Variants in SHOC1 observed in about 807,000 individuals in gnomAD.
SHOC1 encodes shortage in chiasmata 1.
Under a neutral mutation model 179.2 loss-of-function variants are expected in SHOC1, and 136 were observed. That is an observed-to-expected ratio of 0.76 (90% CI 0.66 to 0.87). SHOC1 has a LOEUF of 0.87. Among genes scored for constraint, SHOC1 ranks in the 40% least tolerant of loss-of-function variants. The pLI is 0.00. For missense variants in SHOC1, 1,538 were observed against 1,700.8 expected (o/e 0.90, Z 1.68); for synonymous variants, 489 against 586.6 (o/e 0.83, Z 2.41).
chr9:111,731,825 AT>A (rs1183317139), intron 12 of SHOC1, among the ~76,000 whole-genome samples: 1 of 152,152 alleles, frequency 6.6e-6, no homozygotes, highest in East Asian at 1.9e-4. Flanking sequence ...CATGTTTTAT[AT>A]TTTTGATATC....
chr9:111,794,172 AC>A (rs1836543662), intron 1 of SHOC1, among the ~76,000 whole-genome samples: 1 of 150,706 alleles, frequency 6.6e-6, no homozygotes. Context: ...ATTTAAAAGC[AC>A]TCACAGGTGA....
At chr9:111,746,419 A>G in intron 9 of SHOC1, 77 bp from the exon 10 acceptor site, 2 of 863,366 alleles carry the variant, frequency 2.3e-6, no homozygotes, top group Non-Finnish European at 1.9e-6. Context: ...TCACACCTGT[A>G]ATTCTAACAC....
At chr9:111,709,613 GATA>G (rs563612719) in intron 18 of SHOC1, among the ~76,000 whole-genome samples, 1 of 152,138 alleles carries the variant, frequency 6.6e-6, no homozygotes, top group Non-Finnish European at 1.5e-5. Context: ...TTGAAATGAA[GATA>G]ATAAGCTCAT....
At chr9:111,753,268 T>C (rs1259847909) in intron 8 of SHOC1, among the ~76,000 whole-genome samples, 2 of 152,182 alleles carry the variant, frequency 1.3e-5, no homozygotes, top group African/African-American at 2.4e-5. Flanking sequence ...ACTTAGCTCC[T>C]CCTAAAAATA....
At chr9:111,690,301 C>G (rs1257257161) in intron 27 of SHOC1, among the ~76,000 whole-genome samples, 1 of 152,040 alleles carries the variant, frequency 6.6e-6, no homozygotes, top group Admixed American at 6.6e-5. Context: ...TGGTGCATGC[C>G]TGTAATCCCA....
At chr9:111,734,521 A>G (rs1038278842) in intron 12 of SHOC1, among the ~76,000 whole-genome samples, 8 of 152,130 alleles carry the variant, frequency 5.3e-5, no homozygotes, top group African/African-American at 1.7e-4. Context: ...AGCCAACCAA[A>G]TATCTTTGTC....
At chr9:111,692,849 T>C (rs1831505860) in intron 26 of SHOC1, among the ~76,000 whole-genome samples, 1 of 152,230 alleles carries the variant, frequency 6.6e-6, no homozygotes, top group African/African-American at 2.4e-5. Flanking sequence ...AAGGCTAAAG[T>C]TATCTTTACA....
chr9:111,727,931 T>C lies in SHOC1; in HGVS notation c.1536A>G (p.Leu512=), dbSNP rs1431416997. The change falls in exon 13 of 28, where the codon CTA becomes CTG. Residue 512 remains leucine (L), a synonymous_variant. Transcript: ENST00000682961. ...SPSLAKEVPD[L]CFSDDYFSDK... ...CAGAGAAATAGTCATCAGAAAAACATAGATCTGGTACTTCTTTTGCCAGAG... is the reference window on the plus strand; with the variant it reads ...CAGAGAAATAGTCATCAGAAAAACACAGATCTGGTACTTCTTTTGCCAGAG... 2 of 1,613,482 alleles carry C rather than the reference T, an allele frequency of 1.2e-6. No individual in the cohort carries two copies. The highest frequency in any genetic ancestry group is 1.7e-5 in the Admixed American group (1 of 59,966).
chr9:111,742,226 G>A (rs1366772058), intron 10 of SHOC1, among the ~76,000 whole-genome samples: 7 of 152,034 alleles, frequency 4.6e-5, no homozygotes, highest in South Asian at 2.1e-4. Flanking sequence ...AACCTTATAC[G>A]CCACCAAAAA....
At chr9:111,692,546 T>A (rs1831494849) in intron 26 of SHOC1, 35 bp from the exon 27 acceptor site, 1 of 1,439,930 alleles carries the variant, frequency 6.9e-7, no homozygotes, top group Admixed American at 2.2e-5. Flanking sequence ...AAATGTCAGT[T>A]TAGTAAATAT....
intron 10 of SHOC1, 133 bp from the exon 11 acceptor site, chr9:111,741,703 G>A: frequency 2.5e-6 from 1 of 401,140 alleles, no homozygotes; most frequent in East Asian, 4.5e-5. Context: ...GCACTATCTT[G>A]GCTCACTGCA....
chr9:111,766,237 C>CT (rs1318531670), intron 5 of SHOC1, among the ~76,000 whole-genome samples: 2 of 152,146 alleles, frequency 1.3e-5, no homozygotes, highest in Non-Finnish European at 2.9e-5. Context: ...GAATTTCATT[C>CT]TTTTTTGTGG....
Position 111,706,626 on chromosome 9 carries a change from TTTGCAG to T in SHOC1, c.2673_2678del (p.His891_Lys893delinsGln). The T allele has an allele frequency of 1.2e-6, 2 of 1,606,088 alleles. No individual in the cohort carries two copies. Among genetic ancestry groups the T allele is most frequent in the South Asian group, 2.2e-5 (2 of 89,822 alleles). The stretch of plus-strand genomic sequence containing the variant: ...AGGCCATGTAAGGAATATTCAACTC[TTTGCAG>T]TGTTTAGTCCAACAAGAGTCTTCCA... On this transcript the variant is annotated inframe_deletion, in exon 20 of 28. Coordinates refer to ENST00000682961, the MANE Select transcript of SHOC1 (RefSeq NM_001378211.1).
At chr9:111,723,470 A>C (rs4979042) in intron 14 of SHOC1, among the ~76,000 whole-genome samples, 83,562 of 152,022 alleles carry the variant, frequency 0.55, 23,629 homozygotes, top group East Asian at 0.87. Context: ...GAACAGAGAG[A>C]GCATGATTAG....
chr9:111,707,018 C>T lies in SHOC1; in HGVS notation c.2559-272G>A, dbSNP rs114001184. Among the ~76,000 whole-genome samples the T allele has an allele frequency of 8.7e-3, 1,325 of 152,096 alleles. 23 individuals are homozygous for T. Among genetic ancestry groups the T allele is most frequent in the African/African-American group, 0.03 (1,257 of 41,512 alleles). ...ATGGGAGACAGCCTGATTTTATTACCTGAGTACTATCAATAAGAGAAATCA... is the reference window on the plus strand; with the variant it reads ...ATGGGAGACAGCCTGATTTTATTACTTGAGTACTATCAATAAGAGAAATCA... On this transcript the variant is annotated intron_variant, in intron 19 of 27. Coordinates refer to ENST00000682961, the MANE Select transcript of SHOC1 (RefSeq NM_001378211.1).
rs201548669 is a variant in SHOC1 at position 111,700,006 on chromosome 9, A to G, written c.3131T>C (p.Ile1044Thr). 197 of 1,608,458 alleles carry G rather than the reference A, an allele frequency of 1.2e-4. No individual in the cohort carries two copies. The highest frequency in any genetic ancestry group is 1.6e-4 in the Non-Finnish European group (185 of 1,176,518). The change falls in exon 24 of 28, where the codon ATT (isoleucine) becomes ACT (threonine). Residue 1044 changes from isoleucine to threonine, a missense_variant. Physicochemically the swap from Ile to Thr is moderately conservative, Grantham distance 89 (BLOSUM62 -1). Transcript: ENST00000682961. ...CCCAAATGAAACCAAAGCTGCATAA[A>G]TCAGTGCTAGGTGATGAAGTGTCTT... is the stretch of plus-strand genomic sequence containing the variant. ...TEKTLHHLAL[I>T]YAALVSFGLN...
intron 8 of SHOC1, among the ~76,000 whole-genome samples, chr9:111,750,339 T>C (rs1475486116): frequency 6.6e-6 from 1 of 152,126 alleles, no homozygotes; most frequent in African/African-American, 2.4e-5. Flanking sequence ...TTCTTCTTTT[T>C]CTTCTTTTTG....
At chr9:111,774,684 C>A (rs1053143646) in intron 5 of SHOC1, among the ~76,000 whole-genome samples, 6 of 151,766 alleles carry the variant, frequency 4.0e-5, no homozygotes, top group Non-Finnish European at 7.4e-5. Flanking sequence ...AGAGGAATTT[C>A]TCTCTCTCTC....
At chr9:111,789,831 G>C (rs1836390736) in intron 2 of SHOC1, among the ~76,000 whole-genome samples, 1 of 152,152 alleles carries the variant, frequency 6.6e-6, no homozygotes, top group Admixed American at 6.5e-5. Context: ...GATGACTTTT[G>C]ATTCCTACCA....
Sources: allele counts gnomAD v4.1 joint callset (sites outside exome capture counted in the v4.1 genomes callset), GRCh38; gene constraint gnomAD v4.1.1; transcripts MANE v1.5; gene names NCBI Gene and HGNC (gene_info 2026-07-23, HGNC 2026-07-21).